Variants in SFXN5 observed in about 807,000 individuals in gnomAD.
SFXN5 encodes the protein sideroflexin-5.
Under a neutral mutation model 50.2 loss-of-function variants are expected in SFXN5, and 43 were observed. The ratio of observed to expected loss-of-function variants is 0.86; its 90% CI spans 0.67 to 1.11. The LOEUF is 1.11. Among genes scored for constraint, SFXN5 ranks in the 50% least tolerant of loss-of-function variants. The pLI is 0.00. For missense variants in SFXN5, 463 were observed against 454.1 expected, an observed-to-expected ratio of 1.02 and a Z score of -0.18; for synonymous variants, 203 against 185.8, an observed-to-expected ratio of 1.09 and a Z score of -0.75.
At chr2:73,040,692 G>C (rs992043815) in intron 3 of SFXN5, among the ~76,000 whole-genome samples, 162 bp downstream of exon 3, 14 of 152,220 alleles carry the variant, frequency 9.2e-5, no homozygotes, top group African/African-American at 3.4e-4. Context: ...GAGCACAGGA[G>C]AGATCTGAGC....
At chr2:72,952,192 A>G (rs1403070921) in intron 13 of SFXN5, among the ~76,000 whole-genome samples, 1 of 152,202 alleles carries the variant, frequency 6.6e-6, no homozygotes, top group East Asian at 1.9e-4. Context: ...TTCTTCACCC[A>G]TCAACTGCTG....
chr2:72,956,579 G>A (rs1270392324), intron 13 of SFXN5, among the ~76,000 whole-genome samples: 3 of 152,192 alleles, frequency 2.0e-5, no homozygotes, highest in African/African-American at 4.8e-5. Flanking sequence ...CTGCTCCATC[G>A]TCAACAACTT....
chr2:72,965,548 G>A (rs562610215), intron 12 of SFXN5, among the ~76,000 whole-genome samples: 2 of 152,248 alleles, frequency 1.3e-5, no homozygotes, highest in African/African-American at 4.8e-5. Flanking sequence ...TACACCCACT[G>A]GGGCATCAGC....
At chr2:73,001,672 G>T in intron 6 of SFXN5, 94 bp from the exon 7 acceptor site, 1 of 1,227,608 alleles carries the variant, frequency 8.1e-7, no homozygotes, top group Non-Finnish European at 1.2e-6. Flanking sequence ...GAGTGAGCTG[G>T]ATCTGTACAA....
At chr2:72,980,215 A>G (rs1417232766) in intron 10 of SFXN5, among the ~76,000 whole-genome samples, 2 of 152,056 alleles carry the variant, frequency 1.3e-5, no homozygotes, top group Non-Finnish European at 2.9e-5. Flanking sequence ...TAAAAGGGGA[A>G]ATAATAAAAA....
chr2:73,047,889 G>A (rs924787521), intron 2 of SFXN5, among the ~76,000 whole-genome samples: 3 of 152,162 alleles, frequency 2.0e-5, no homozygotes, highest in Non-Finnish European at 4.4e-5. Flanking sequence ...GAAAAACAGT[G>A]AGATTTCTGT....
chr2:73,062,164 C>T (rs1359167109), intron 1 of SFXN5, among the ~76,000 whole-genome samples: 2 of 152,134 alleles, frequency 1.3e-5, no homozygotes, highest in South Asian at 2.1e-4. Context: ...AAGTATTATA[C>T]TTGATTAAGA....
rs530654834 is a variant in SFXN5, at chr2:73,020,137, T to C, written c.357+102A>G. On this transcript the variant is annotated intron_variant, in intron 6 of 13. Transcript: ENST00000272433. Reference sequence around the variant, plus strand: ...TAATTTCCCTCCAGGAATTGACTTATCCTAAATCAACAATTCAGTCAAATA... The same window carrying C: ...TAATTTCCCTCCAGGAATTGACTTACCCTAAATCAACAATTCAGTCAAATA... 8.5e-5 allele frequency: 93 copies of C among 1,099,158 alleles called. No individual in the cohort carries two copies. In the Admixed American group the frequency reaches 1.3e-3, roughly 15 times the overall value. 68.1% of individuals were successfully genotyped at this position (1,099,158 alleles called of 1,614,324 possible).
chr2:73,040,729 G>T, intron 3 of SFXN5, 125 bp downstream of exon 3: 1 of 670,320 alleles, frequency 1.5e-6, no homozygotes, highest in Non-Finnish European at 2.5e-6. Context: ...TAGTCCACAG[G>T]GGTATGTACC....
rs1671761392 is a variant in SFXN5 at position 72,944,923 on chromosome 2, G to A, written c.*99C>T. On this transcript the variant is annotated 3_prime_UTR_variant, in exon 14 of 14. Transcript: ENST00000272433. The stretch of plus-strand genomic sequence containing the variant: ...TCCCAGGGGGCCCAGGACTGCTGGG[G>A]TTGGCGTGCTGCTCCCTGCAGGTGC... 1 of 1,110,746 alleles carries A rather than the reference G, an allele frequency of 9.0e-7. No individual in the cohort carries two copies. Among genetic ancestry groups the A allele is most frequent in the Admixed American group, 2.1e-5 (1 of 47,812 alleles). The allele number at this position is 1,110,746 out of a possible 1,614,324, so 68.8% of individuals were successfully genotyped here.
intron 2 of SFXN5, among the ~76,000 whole-genome samples, chr2:73,057,711 T>A (rs1048305326): frequency 9.9e-5 from 15 of 152,174 alleles, no homozygotes; most frequent in African/African-American, 3.6e-4. Flanking sequence ...AATCCCCACA[T>A]GTTGAGAGAG....
chr2:72,949,564 C>T (rs569897468), intron 13 of SFXN5, among the ~76,000 whole-genome samples: 1 of 152,194 alleles, frequency 6.6e-6, no homozygotes, highest in South Asian at 2.1e-4. Context: ...GATCCTCCAC[C>T]TTCCAAAGTG....
At position 72,945,098 on chromosome 2, in the gene SFXN5, A is replaced by G; in HGVS notation, c.947T>C (p.Ile316Thr). 6.2e-7 allele frequency: 1 copy of G among 1,613,634 alleles called. No homozygotes were observed. ...AISLFPQMSE[I>T]ETSQLEPEIA... ...CTCCGGCTCTAATTGGGATGTTTCA[A>G]TCTGTGGAGAGAGAACAGAGAGGAA... Residue 316 changes from isoleucine to threonine, a missense_variant and splice_region_variant, in exon 14 of 14, where the codon ATT becomes ACT. Transcript: ENST00000272433. This position sits in a 1 kb window ranked among gnomAD's most constrained non-coding sequence, Gnocchi z 5.8.
intron 13 of SFXN5, among the ~76,000 whole-genome samples, chr2:72,947,402 A>AG (rs1260021704): frequency 2.0e-5 from 3 of 152,328 alleles, no homozygotes; most frequent in South Asian, 2.1e-4. Flanking sequence ...CCCTAGCTAG[A>AG]GGGGGGCAGG....
rs185800814 is a variant in SFXN5 at position 72,968,516 on chromosome 2, C to T, written c.759G>A (p.Ala253=). 2.6e-4 allele frequency: 426 copies of T among 1,613,280 alleles called. 1 individual carries two copies. The highest frequency in any genetic ancestry group is 1.6e-4 in the Non-Finnish European group (194 of 1,180,018). ...IAARHALLET[A]LTRVVLPMPI... is the part of the protein sequence containing the mutation. ...GCATGGGCAGGACCACTCGCGTCAG[C>T]GCCGTCTCCAGCAGGGCCTGAGGGG... Residue 253 remains alanine (A), a synonymous_variant, in exon 12 of 14, where the codon GCG becomes GCA. Transcript: ENST00000272433.
chr2:73,059,016 G>A (rs1302763612), intron 1 of SFXN5: 10 of 965,532 alleles, frequency 1.0e-5, no homozygotes, highest in Non-Finnish European at 1.2e-5. Context: ...ACCCGCCACA[G>A]GGTCCCTCCC....
chr2:73,016,755 GA>G (rs112020129), intron 6 of SFXN5, among the ~76,000 whole-genome samples: 12 of 152,126 alleles, frequency 7.9e-5, no homozygotes, highest in African/African-American at 2.9e-4. Context: ...TATACTGAGC[GA>G]AAAAAACATT....
chr2:73,063,557 GA>G (rs1174997844), intron 1 of SFXN5, among the ~76,000 whole-genome samples: 1 of 152,138 alleles, frequency 6.6e-6, no homozygotes, highest in Non-Finnish European at 1.5e-5. Context: ...AGATTAATGA[GA>G]AACGTTGTGA....
intron 12 of SFXN5, among the ~76,000 whole-genome samples, chr2:72,962,118 G>C (rs1673815600): frequency 6.6e-6 from 1 of 152,252 alleles, no homozygotes; most frequent in African/African-American, 2.4e-5. Flanking sequence ...CAATACAGCA[G>C]GCCCTTCAGC....
Sources: allele counts gnomAD v4.1 joint callset (sites outside exome capture counted in the v4.1 genomes callset), GRCh38; gene constraint gnomAD v4.1.1; non-coding constraint Gnocchi (gnomAD v3.1); transcripts MANE v1.5; gene names NCBI Gene and HGNC (gene_info 2026-07-23, HGNC 2026-07-21).